The following ZNF621 variants were observed in gnomAD, a reference collection of about 807,000 sequenced individuals.
The protein encoded by ZNF621 is zinc finger protein 621.
Under a neutral mutation model 12.7 loss-of-function variants are expected in ZNF621, and 6 were observed. The observed-to-expected ratio is 0.47, with a 90% CI of 0.26 to 0.93. The LOEUF is 0.93. ZNF621 is among the 40% of genes least tolerant of loss of function. ZNF621 has a pLI of 0.15. For synonymous variants in ZNF621, 156 were observed against 190.3 expected (o/e 0.82, Z 1.48); for missense variants, 474 against 524.0 (o/e 0.90, Z 0.93).
intron 2 of ZNF621, among the ~76,000 whole-genome samples, chr3:40,528,621 A>G (rs1698642899): frequency 6.6e-6 from 1 of 152,230 alleles, no homozygotes; most frequent in African/African-American, 2.4e-5. Flanking sequence ...TAGCACCAGC[A>G]GTGAATGAGA....
At chr3:40,526,787 C>T (rs570349179) in intron 2 of ZNF621, among the ~76,000 whole-genome samples, 6 of 152,154 alleles carry the variant, frequency 3.9e-5, no homozygotes, top group Non-Finnish European at 8.8e-5. Context: ...AAAGATTTTC[C>T]TAGCCCTTAG....
At position 40,539,087 on chromosome 3, in the gene ZNF621, T is replaced by C. The variant is rs1280126751; in HGVS notation, c.*5997T>C. On this transcript the variant is annotated 3_prime_UTR_variant, in exon 5 of 5. Transcript: ENST00000339296. ...ACTCCTGGTGAAGATCCTGTGACCA[T>C]TGTTGAAATGACAACAAAGGACTTA... 6.3e-6 allele frequency: 1 copy of C among 159,234 alleles called. No homozygotes were observed. Among genetic ancestry groups the C allele is most frequent in the African/African-American group, 2.4e-5 (1 of 41,604 alleles). 9.9% of individuals were successfully genotyped at this position (159,234 alleles called of 1,614,324 possible).
At chr3:40,527,269 A>G (rs1698607119) in intron 2 of ZNF621, among the ~76,000 whole-genome samples, 1 of 151,968 alleles carries the variant, frequency 6.6e-6, no homozygotes, top group African/African-American at 2.4e-5. Flanking sequence ...CGCCTGCCTC[A>G]GCCTCCCAAA....
chr3:40,523,900 G>A (rs763883496), upstream of ZNF621, among the ~76,000 whole-genome samples: 5 of 152,114 alleles, frequency 3.3e-5, no homozygotes, highest in Non-Finnish European at 5.9e-5. Flanking sequence ...CCAATGAGCT[G>A]GGTAGAGCTG....
In ZNF621 at chr3:40,537,954, A is replaced by T. The variant is rs974686877; in HGVS notation, c.*4864A>T. Among the ~76,000 whole-genome samples, 1 of 152,206 alleles carries T rather than the reference A, an allele frequency of 6.6e-6. No homozygotes were observed. The highest frequency in any genetic ancestry group is 1.5e-5 in the Non-Finnish European group (1 of 68,036). ...GAAGAAGAAACCATCTAGGACTTTC[A>T]TGGAGAAGAGAAGTTAATCCCTGGC... On this transcript the variant is annotated 3_prime_UTR_variant, in exon 5 of 5. Transcript: ENST00000339296.
In ZNF621 at chr3:40,534,470, CA is replaced by C. The variant is rs1343917509; in HGVS notation, c.*1381del. The C allele has an allele frequency of 8.9e-6, 1 of 111,764 alleles. No homozygotes were observed. The highest frequency in any genetic ancestry group is 3.5e-4 in the East Asian group (1 of 2,818). 6.9% of individuals were successfully genotyped at this position (111,764 alleles called of 1,614,324 possible). A position where few individuals can be genotyped will look rare whatever the true frequency, so the allele number is the denominator to read the frequency against. On this transcript the variant is annotated 3_prime_UTR_variant, in exon 5 of 5. Transcript: ENST00000339296. ...CTAAGCTTTGATGGAAGGGTCCATA[CA>C]TTTTTTTTTTTTTTTTGCTGATGTT... is the stretch of plus-strand genomic sequence containing the variant.
chr3:40,526,359 C>A lies in ZNF621; in HGVS notation c.24+495C>A, dbSNP rs568544251. On this transcript the variant is annotated intron_variant, in intron 2 of 4. Transcript: ENST00000339296. Reference sequence around the variant, plus strand: ...CTAATTTTTGTATTTTTAGTAGAGACGGGGTTTACACCACGTTGGCCAGGC... The same window carrying A: ...CTAATTTTTGTATTTTTAGTAGAGAAGGGGTTTACACCACGTTGGCCAGGC... 5.9e-5 allele frequency among the ~76,000 whole-genome samples: 9 copies of A among 152,166 alleles called. No individual in the cohort carries two copies. The South Asian group carries it at 1.9e-3, about 32-fold the overall frequency.
intron 4 of ZNF621, 127 bp from the exon 5 acceptor site, chr3:40,531,903 G>A: frequency 2.3e-6 from 2 of 887,344 alleles, no homozygotes; most frequent in Admixed American, 2.6e-5. Flanking sequence ...CTCCTTTATA[G>A]ATGCTTGTAT....
At chr3:40,523,515 C>T (rs1698504120), upstream of ZNF621, among the ~76,000 whole-genome samples, 1 of 152,170 alleles carries the variant, frequency 6.6e-6, no homozygotes, top group African/African-American at 2.4e-5. Flanking sequence ...CTGTAATCCC[C>T]AGCACTTTGG....
Position 40,533,000 on chromosome 3 carries a change from A to C in ZNF621, c.1230A>C (p.Ser410=), listed in dbSNP as rs1698774394. ...MLLPTSGIPS[S]SAQIVRVFQG... The stretch of plus-strand genomic sequence containing the variant: ...TGCCTACATCTGGAATACCTTCTTC[A>C]TCTGCCCAAATAGTGCGTGTCTTCC... The change falls in exon 5 of 5, where the codon TCA becomes TCC. Residue 410 remains serine (S), a synonymous_variant. Coordinates refer to ENST00000339296, the MANE Select transcript of ZNF621 (RefSeq NM_198484.5). 6 of 1,551,702 alleles carry C rather than the reference A, an allele frequency of 3.9e-6. No homozygotes were observed. The highest frequency in any genetic ancestry group is 5.2e-6 in the Non-Finnish European group (6 of 1,147,004).
At chr3:40,527,089 C>T (rs1698601198) in intron 2 of ZNF621, among the ~76,000 whole-genome samples, 1 of 152,192 alleles carries the variant, frequency 6.6e-6, no homozygotes, top group African/African-American at 2.4e-5. Flanking sequence ...GCGATCTTCG[C>T]TCACTGCAAC....
In ZNF621 at chr3:40,534,016, C is replaced by T. The variant is rs1698803801; in HGVS notation, c.*926C>T. 1 of 151,692 alleles carries T rather than the reference C, an allele frequency of 6.6e-6. No homozygotes were observed. The highest frequency in any genetic ancestry group is 6.6e-5 in the Admixed American group (1 of 15,186). 9.4% of individuals were successfully genotyped at this position (151,692 alleles called of 1,614,324 possible). On this transcript the variant is annotated 3_prime_UTR_variant, in exon 5 of 5. Transcript: ENST00000339296. ...TTTTCTTTAGTTTTGCTCTTGATAG[C>T]TAGATGTTTCTTTTAACTTTTATTT...
At chr3:40,529,210 G>C in intron 2 of ZNF621, 109 bp from the exon 3 acceptor site, 1 of 1,349,144 alleles carries the variant, frequency 7.4e-7, no homozygotes, top group Non-Finnish European at 1.0e-6. Context: ...CCTTACATGG[G>C]GCTCAGAGTT....
chr3:40,524,027 A>C (rs1453061423), upstream of ZNF621, among the ~76,000 whole-genome samples: 3 of 152,290 alleles, frequency 2.0e-5, no homozygotes, highest in East Asian at 3.9e-4. Flanking sequence ...AAAATTATGT[A>C]AATTAATGGC....
chr3:40,532,184 A>G lies in ZNF621; in HGVS notation c.414A>G (p.Leu138=). The G allele has an allele frequency of 6.2e-7, 1 of 1,614,248 alleles. No homozygotes were observed. Among genetic ancestry groups the G allele is most frequent in the Non-Finnish European group, 8.5e-7 (1 of 1,180,046 alleles). The change falls in exon 5 of 5, where the codon CTA becomes CTG. Residue 138 remains leucine (L), a synonymous_variant. Coordinates refer to ENST00000339296, the MANE Select transcript of ZNF621 (RefSeq NM_198484.5). ...AGGCACTGAAGCAGACTTTCAATCT[A>G]AATCCAAATCTGATACTTCGAGGTG... ...KRKALKQTFN[L]NPNLILRGGM... is the part of the protein sequence containing the mutation.
Position 40,538,225 on chromosome 3 carries a change from G to A in ZNF621, c.*5135G>A, listed in dbSNP as rs746442784. On this transcript the variant is annotated 3_prime_UTR_variant, in exon 5 of 5. Coordinates refer to ENST00000339296, the MANE Select transcript of ZNF621 (RefSeq NM_198484.5). Reference sequence around the variant, plus strand: ...AGACCTACTAAATATTAGGAAAAAAGAATTCTGTCAGGTGTGGTGGCTCAC... The same window carrying A: ...AGACCTACTAAATATTAGGAAAAAAAAATTCTGTCAGGTGTGGTGGCTCAC... The A allele has an allele frequency of 1.7e-5, 7 of 417,972 alleles. No individual in the cohort carries two copies. The allele number at this position is 417,972 out of a possible 1,614,324, so 25.9% of individuals were successfully genotyped here. A position where few individuals can be genotyped will look rare whatever the true frequency, so the allele number is the denominator to read the frequency against.
rs1698571606 is a variant in ZNF621 at position 40,525,933 on chromosome 3, T to G, written c.24+69T>G. On this transcript the variant is annotated intron_variant, in intron 2 of 4. Transcript: ENST00000339296. Reference sequence around the variant, plus strand: ...TTTTTTACTCACATTAGCTATCAGATAATCAGGAAAGGATGAGGAAGGCCT... The same window carrying G: ...TTTTTTACTCACATTAGCTATCAGAGAATCAGGAAAGGATGAGGAAGGCCT... 2.5e-6 allele frequency: 4 copies of G among 1,585,906 alleles called. No homozygotes were observed. In the South Asian group the frequency reaches 4.5e-5, roughly 18 times the overall value.
intron 4 of ZNF621, among the ~76,000 whole-genome samples, chr3:40,530,864 T>C (rs1484598781): frequency 6.6e-6 from 1 of 152,140 alleles, no homozygotes; most frequent in Non-Finnish European, 1.5e-5. Flanking sequence ...TATTCTCCCA[T>C]CATAGCCCCC....
intron 2 of ZNF621, 63 bp downstream of exon 2, chr3:40,525,927 ATC>A: frequency 6.3e-7 from 1 of 1,577,810 alleles, no homozygotes; most frequent in Non-Finnish European, 8.7e-7. Flanking sequence ...CACATTAGCT[ATC>A]AGATAATCAG....
Sources: allele counts gnomAD v4.1 joint callset (sites outside exome capture counted in the v4.1 genomes callset), GRCh38; gene constraint gnomAD v4.1.1; transcripts MANE v1.5; gene names NCBI Gene and HGNC (gene_info 2026-07-23, HGNC 2026-07-21).